The following MEGF8 variants were observed in gnomAD, a reference collection of about 807,000 sequenced individuals.
The protein encoded by MEGF8 is multiple EGF like domains 8.
MEGF8 carries 156 observed loss-of-function variants against 302.9 expected under a neutral mutation model. The observed-to-expected ratio is 0.52, with a 90% CI of 0.45 to 0.59. The LOEUF is 0.59. Ranked by LOEUF, MEGF8 falls within the 20% of genes least tolerant of loss-of-function variation. MEGF8 has a pLI of 0.00. For missense variants in MEGF8, 3,345 were observed against 3,964.5 expected (o/e 0.84, Z 4.20); for synonymous variants, 1,621 against 1,660.5 (o/e 0.98, Z 0.58).
Position 42,358,586 on chromosome 19 carries a change from A to G in MEGF8, c.5176-201A>G, listed in dbSNP as rs555355002. Among the ~76,000 whole-genome samples the G allele has an allele frequency of 1.8e-4, 28 of 152,282 alleles. No individual in the cohort carries two copies. The highest frequency in any genetic ancestry group is 8.3e-4 in the South Asian group (4 of 4,816). ...CCCCGTCCTGGGTTTTTCCACTCGT[A>G]TAAACCAGGACTGAGGCTCCCCGCT... On this transcript the variant is annotated intron_variant, in intron 29 of 41. Coordinates refer to ENST00000251268, the MANE Select transcript of MEGF8 (RefSeq NM_001271938.2). The surrounding 1 kb of genome is among the most constrained non-coding windows in gnomAD (Gnocchi z 4.4).
Position 42,358,227 on chromosome 19 carries a change from G to A in MEGF8, c.5095G>A (p.Ala1699Thr). Reference sequence around the variant, plus strand: ...GGGGTTCCGATTCCATGTGGAGCTGGCGGCCCCATCCCCCGAGCTCTACTC... The same window carrying A: ...GGGGTTCCGATTCCATGTGGAGCTGACGGCCCCATCCCCCGAGCTCTACTC... ...FGGFRFHVEL[A>T]APSPELYSLH... The change falls in exon 29 of 42, where the codon GCG (alanine) becomes ACG (threonine). Residue 1699 changes from alanine (A) to threonine (T), a missense_variant. Transcript: ENST00000251268. This position sits in a 1 kb window ranked among gnomAD's most constrained non-coding sequence, Gnocchi z 4.4. 1.2e-6 allele frequency: 2 copies of A among 1,604,570 alleles called. No individual in the cohort carries two copies. The highest frequency in any genetic ancestry group is 1.7e-6 in the Non-Finnish European group (2 of 1,176,026).
Position 42,351,437 on chromosome 19 carries a change from C to T in MEGF8, c.2864C>T (p.Thr955Ile). 1 of 1,596,156 alleles carries T rather than the reference C, an allele frequency of 6.3e-7. No homozygotes were observed. The highest frequency in any genetic ancestry group is 1.1e-5 in the South Asian group (1 of 88,354). ...ECPPLCSQRL[T>I]CEDCLANSSQ... Reference sequence around the variant, plus strand: ...CCTGCTCCCCACCCCAGGCGACTGACCTGTGAGGACTGCCTGGCCAACTCT... The same window carrying T: ...CCTGCTCCCCACCCCAGGCGACTGATCTGTGAGGACTGCCTGGCCAACTCT... The change falls in exon 17 of 42, where the codon ACC becomes ATC. Residue 955 changes from threonine (T) to isoleucine (I), a missense_variant. By Grantham distance (89) the Thr-to-Ile change is moderately conservative. Transcript: ENST00000251268. This position sits in a 1 kb window ranked among gnomAD's most constrained non-coding sequence, Gnocchi z 5.6.
Position 42,344,687 on chromosome 19 carries a change from G to A in MEGF8, c.1951G>A (p.Gly651Arg), listed in dbSNP as rs1374463978. Reference sequence around the variant, plus strand: ...CTTCTCAGAGCAGGCCCGCTGCCGAGGGGAGCAGATCTCAGGCACTGTGGG... The same window carrying A: ...CTTCTCAGAGCAGGCCCGCTGCCGAAGGGAGCAGATCTCAGGCACTGTGGG... ...LPRPEQARCR[G>R]EQISGTVGWW... Residue 651 changes from glycine to arginine, a missense_variant, in exon 12 of 42, where the codon GGG becomes AGG. Transcript: ENST00000251268. The surrounding 1 kb of genome is among the most constrained non-coding windows in gnomAD (Gnocchi z 4.5). 1 of 1,589,780 alleles carries A rather than the reference G, an allele frequency of 6.3e-7. No homozygotes were observed. The highest frequency in any genetic ancestry group is 1.7e-5 in the Admixed American group (1 of 57,944).
In MEGF8 at chr19:42,356,475, T is replaced by C; in HGVS notation, c.4622+22T>C. The C allele has an allele frequency of 6.5e-7, 1 of 1,541,620 alleles. No individual in the cohort carries two copies. The highest frequency in any genetic ancestry group is 8.8e-7 in the Non-Finnish European group (1 of 1,142,134). ...ACAGGTGAGGACTGCCCTGGGCAGG[T>C]GGGATTCGCAAATAAGAGAAGGTCA... On this transcript the variant is annotated intron_variant, in intron 26 of 41. Transcript: ENST00000251268. This position sits in a 1 kb window ranked among gnomAD's most constrained non-coding sequence, Gnocchi z 5.2.
At chr19:42,362,688 G>A in intron 34 of MEGF8, 91 bp downstream of exon 34, 1 of 1,459,752 alleles carries the variant, frequency 6.9e-7, no homozygotes, top group South Asian at 1.2e-5. Flanking sequence ...GGTCTCCTGG[G>A]TCTGAGGGAG....
At chr19:42,364,374 C>T (rs1485514921) in intron 35 of MEGF8, among the ~76,000 whole-genome samples, 1 of 152,154 alleles carries the variant, frequency 6.6e-6, no homozygotes, top group Non-Finnish European at 1.5e-5. Context: ...CAGCCAGAGC[C>T]CACTCCTCAT....
In MEGF8 at chr19:42,356,463, G is replaced by T. The variant is rs755216370; in HGVS notation, c.4622+10G>T. On this transcript the variant is annotated intron_variant, in intron 26 of 41. Coordinates refer to ENST00000251268, the MANE Select transcript of MEGF8 (RefSeq NM_001271938.2). This position sits in a 1 kb window ranked among gnomAD's most constrained non-coding sequence, Gnocchi z 5.2. Reference sequence around the variant, plus strand: ...TGGGAAACCTGTACAGGTGAGGACTGCCCTGGGCAGGTGGGATTCGCAAAT... The same window carrying T: ...TGGGAAACCTGTACAGGTGAGGACTTCCCTGGGCAGGTGGGATTCGCAAAT... The T allele has an allele frequency of 1.3e-6, 2 of 1,569,614 alleles. No homozygotes were observed. Among genetic ancestry groups the T allele is most frequent in the Non-Finnish European group, 1.7e-6 (2 of 1,158,408 alleles).
At position 42,337,213 on chromosome 19, in the gene MEGF8, G is replaced by A. The variant is rs886951622; in HGVS notation, c.1513+7G>A. On this transcript the variant is annotated splice_region_variant and intron_variant, in intron 8 of 41. Coordinates refer to ENST00000251268, the MANE Select transcript of MEGF8 (RefSeq NM_001271938.2). ...CCGCCAGGAACCCCTGAGGGTGAGTGGTCCCTGTTCTTCCCTAGGGGCTCC... is the reference window on the plus strand; with the variant it reads ...CCGCCAGGAACCCCTGAGGGTGAGTAGTCCCTGTTCTTCCCTAGGGGCTCC... 1.2e-6 allele frequency: 2 copies of A among 1,613,258 alleles called. No individual in the cohort carries two copies. Among genetic ancestry groups the A allele is most frequent in the Non-Finnish European group, 1.7e-6 (2 of 1,179,880 alleles).
At position 42,357,464 on chromosome 19, in the gene MEGF8, C is replaced by T. The variant is rs543654043; in HGVS notation, c.4891C>T (p.Leu1631=). The change falls in exon 28 of 42, where the codon CTG becomes TTG. Residue 1631 remains leucine (L), a synonymous_variant. Transcript: ENST00000251268. The surrounding 1 kb of genome is among the most constrained non-coding windows in gnomAD (Gnocchi z 5.2). The stretch of plus-strand genomic sequence containing the variant: ...TCACACCCTTACTGCCCGCCGAGGC[C>T]TGTCTCTGCTCCTGGTGGGCGGTTA... ...AGHTLTARRG[L]SLLLVGGYSP... is the part of the protein sequence containing the mutation. 47 of 1,613,834 alleles carry T rather than the reference C, an allele frequency of 2.9e-5. No individual in the cohort carries two copies. The highest frequency in any genetic ancestry group is 4.0e-5 in the Non-Finnish European group (47 of 1,179,820).
rs1425068462 is a variant in MEGF8 at position 42,363,043 on chromosome 19, C to G, written c.6059-5C>G. Reference sequence around the variant, plus strand: ...GAGGTTCTAATCCCCGTGCCCCACCCCCAGGGGAGACCCGCCGCATCCTCT... The same window carrying G: ...GAGGTTCTAATCCCCGTGCCCCACCGCCAGGGGAGACCCGCCGCATCCTCT... On this transcript the variant is annotated splice_region_variant and splice_polypyrimidine_tract_variant and intron_variant, in intron 34 of 41. Transcript: ENST00000251268. 6.2e-7 allele frequency: 1 copy of G among 1,611,100 alleles called. No homozygotes were observed. The highest frequency in any genetic ancestry group is 1.3e-5 in the African/African-American group (1 of 74,828).
chr19:42,335,773 CTCT>C (rs1423078565), intron 5 of MEGF8, among the ~76,000 whole-genome samples, 155 bp from the exon 6 acceptor site: 1 of 152,176 alleles, frequency 6.6e-6, no homozygotes, highest in Admixed American at 6.5e-5. Flanking sequence ...ATGAGTCTGT[CTCT>C]TCTTTTCTCT....
chr19:42,325,966 A>G lies in MEGF8; in HGVS notation c.-278A>G, dbSNP rs77483366. 1.0e-3 allele frequency: 412 copies of G among 393,850 alleles called. 3 individuals are homozygous for G. The highest frequency in any genetic ancestry group is 7.5e-3 in the African/African-American group (360 of 48,202). 24.4% of individuals were successfully genotyped at this position (393,850 alleles called of 1,614,324 possible). On this transcript the variant is annotated 5_prime_UTR_variant, in exon 1 of 42. Coordinates refer to ENST00000251268, the MANE Select transcript of MEGF8 (RefSeq NM_001271938.2). ...CGGCCCCCTATGGAGCCCTGTGTCT[A>G]TAGGGGACTCCTACGGTCCCTAGGG...
intron 38 of MEGF8, 37 bp from the exon 39 acceptor site, chr19:42,370,152 C>T: frequency 1.9e-6 from 3 of 1,578,560 alleles, no homozygotes; most frequent in Non-Finnish European, 2.6e-6. Context: ...CCTGATGACT[C>T]TCCAGCCTCT....
chr19:42,342,881 G>A (rs1169952417), intron 8 of MEGF8, among the ~76,000 whole-genome samples: 1 of 152,160 alleles, frequency 6.6e-6, no homozygotes, highest in Non-Finnish European at 1.5e-5. Flanking sequence ...ATCAGGCCCT[G>A]TACCCCTCCC....
At chr19:42,364,915 G>T (rs1432541949) in intron 35 of MEGF8, among the ~76,000 whole-genome samples, 1 of 152,224 alleles carries the variant, frequency 6.6e-6, no homozygotes, top group Non-Finnish European at 1.5e-5. Flanking sequence ...ACTAAAAAAT[G>T]GCTAATGATC....
intron 41 of MEGF8, among the ~76,000 whole-genome samples, chr19:42,374,850 C>T (rs959913285): frequency 2.6e-4 from 40 of 152,196 alleles, no homozygotes; most frequent in African/African-American, 9.2e-4. Flanking sequence ...GAATGGTAGA[C>T]GCAGGACACA....
In MEGF8 at chr19:42,375,838, C is replaced by G. The variant is rs1224426841; in HGVS notation, c.7601C>G (p.Pro2534Arg). 4.3e-6 allele frequency: 7 copies of G among 1,610,630 alleles called. No homozygotes were observed. In the South Asian group the frequency reaches 7.7e-5, roughly 18 times the overall value. Residue 2534 changes from proline (P) to arginine (R), a missense_variant, in exon 42 of 42, where the codon CCT (proline) becomes CGT (arginine). By Grantham distance (103) the Pro-to-Arg change is moderately radical. Transcript: ENST00000251268. The surrounding 1 kb of genome is among the most constrained non-coding windows in gnomAD (Gnocchi z 7.1). ...VHIQPPPAPP[P>R]PPPPADGGPR... ...ATCCAGCCACCCCCAGCCCCACCAC[C>G]TCCACCACCCCCTGCAGATGGTGGG... is the stretch of plus-strand genomic sequence containing the variant.
chr19:42,334,209 C>A lies in MEGF8; in HGVS notation c.554C>A (p.Ala185Asp). 1.3e-6 allele frequency: 2 copies of A among 1,592,764 alleles called. No homozygotes were observed. Among genetic ancestry groups the A allele is most frequent in the South Asian group, 2.2e-5 (2 of 89,194 alleles). ...SAYCGSHGTC[A>D]SPLGPCRCEP... The stretch of plus-strand genomic sequence containing the variant: ...TACTGTGGCAGCCACGGCACCTGCG[C>A]CTCGGTGAGCCGGTCCCCAGCCCTG... The change falls in exon 3 of 42, where the codon GCC (alanine) becomes GAC (aspartate). Residue 185 changes from alanine (A) to aspartate (D), a missense_variant. Coordinates refer to ENST00000251268, the MANE Select transcript of MEGF8 (RefSeq NM_001271938.2).
At chr19:42,370,461 G>A in intron 39 of MEGF8, 102 bp downstream of exon 39, 1 of 1,117,838 alleles carries the variant, frequency 8.9e-7, no homozygotes, top group South Asian at 1.5e-5. Flanking sequence ...CTTGGGTTGA[G>A]GGAGGAGGGG....
Sources: allele counts gnomAD v4.1 joint callset (sites outside exome capture counted in the v4.1 genomes callset), GRCh38; gene constraint gnomAD v4.1.1; non-coding constraint Gnocchi (gnomAD v3.1); transcripts MANE v1.5; gene names NCBI Gene and HGNC (gene_info 2026-07-23, HGNC 2026-07-21).